Variants in MACROD2 observed in about 807,000 individuals in gnomAD.
MACROD2 encodes the protein ADP-ribose glycohydrolase MACROD2.
Under a neutral mutation model 70.4 loss-of-function variants are expected in MACROD2, and 36 were observed. The observed-to-expected ratio is 0.51, with a 90% CI of 0.39 to 0.68. The LOEUF (loss-of-function observed/expected upper bound fraction) is 0.68. MACROD2 is among the 30% of genes least tolerant of loss of function. MACROD2 has a pLI of 0.00. For synonymous variants in MACROD2, 172 were observed against 178.8 expected (o/e 0.96, Z 0.30); for missense variants, 496 against 538.4 (o/e 0.92, Z 0.78).
At chr20:15,905,296 G>A (rs977209799) in intron 10 of MACROD2, among the ~76,000 whole-genome samples, 2 of 152,172 alleles carry the variant, frequency 1.3e-5, no homozygotes, top group African/African-American at 4.8e-5. Context: ...CTCATGAAAG[G>A]TGATACTAAG....
intron 5 of MACROD2, among the ~76,000 whole-genome samples, chr20:14,948,570 G>A (rs2074451339): frequency 6.6e-6 from 1 of 152,112 alleles, no homozygotes; most frequent in Admixed American, 6.5e-5. Flanking sequence ...CCGTTCTAAT[G>A]CCAACACAGA....
chr20:14,272,828 G>A (rs1287854646), intron 3 of MACROD2, among the ~76,000 whole-genome samples: 1 of 151,976 alleles, frequency 6.6e-6, no homozygotes, highest in African/African-American at 2.4e-5. Flanking sequence ...AAACAAAAAA[G>A]GCAGGGGTTG....
intron 9 of MACROD2, among the ~76,000 whole-genome samples, chr20:15,864,147 C>G (rs1318818602): frequency 6.6e-6 from 1 of 151,818 alleles, no homozygotes; most frequent in Non-Finnish European, 1.5e-5. Context: ...AGAGTGGAAG[C>G]ACATAACAGC....
At chr20:15,568,889 G>A (rs1293407635) in intron 8 of MACROD2, among the ~76,000 whole-genome samples, 1 of 152,130 alleles carries the variant, frequency 6.6e-6, no homozygotes, top group East Asian at 1.9e-4. Flanking sequence ...GTGAATACAG[G>A]TTGGAGCTTG....
At chr20:14,669,179 G>A (rs2070768481) in intron 4 of MACROD2, among the ~76,000 whole-genome samples, 1 of 152,158 alleles carries the variant, frequency 6.6e-6, no homozygotes, top group Non-Finnish European at 1.5e-5. Context: ...TATGTGTGTA[G>A]TTTGGAGAAA....
At chr20:15,476,772 T>C (rs1437544965) in intron 7 of MACROD2, among the ~76,000 whole-genome samples, 1 of 152,226 alleles carries the variant, frequency 6.6e-6, no homozygotes, top group African/African-American at 2.4e-5. Flanking sequence ...ATCCTGCAGA[T>C]AAAATGGAAT....
At chr20:14,491,369 C>T (rs771144338) in intron 3 of MACROD2, among the ~76,000 whole-genome samples, 3 of 152,150 alleles carry the variant, frequency 2.0e-5, no homozygotes, top group Middle Eastern at 3.4e-3. Context: ...GTTATCGGAA[C>T]GTTTTTGAAT....
intron 6 of MACROD2, among the ~76,000 whole-genome samples, chr20:15,344,021 GA>G (rs1289932941): frequency 6.6e-6 from 1 of 152,070 alleles, no homozygotes; most frequent in Non-Finnish European, 1.5e-5. Flanking sequence ...AAAGGAGCAG[GA>G]ATCTAAATAA....
intron 5 of MACROD2, among the ~76,000 whole-genome samples, chr20:15,158,912 A>T (rs2076328063): frequency 6.6e-6 from 1 of 152,130 alleles, no homozygotes; most frequent in South Asian, 2.1e-4. Flanking sequence ...AGGAAATCTG[A>T]AGATGTTGAC....
intron 5 of MACROD2, among the ~76,000 whole-genome samples, chr20:15,127,915 A>G (rs745417862): frequency 6.4e-4 from 98 of 152,086 alleles, no homozygotes; most frequent in Non-Finnish European, 1.6e-4. Context: ...CTCTACTTAC[A>G]TTAATTTATA....
At chr20:14,835,019 T>C (rs573506968) in intron 5 of MACROD2, among the ~76,000 whole-genome samples, 3 of 151,998 alleles carry the variant, frequency 2.0e-5, no homozygotes, top group African/African-American at 7.2e-5. Context: ...AACAGATAGA[T>C]TCATCAAAGC....
intron 8 of MACROD2, among the ~76,000 whole-genome samples, chr20:15,663,072 G>T (rs1158794916): frequency 6.6e-6 from 1 of 152,062 alleles, no homozygotes; most frequent in Admixed American, 6.6e-5. Context: ...GAAGTCAGCT[G>T]GCTGTAAGAC....
intron 5 of MACROD2, among the ~76,000 whole-genome samples, chr20:14,777,781 G>A (rs1207230299): frequency 6.6e-6 from 1 of 152,106 alleles, no homozygotes; most frequent in African/African-American, 2.4e-5. Flanking sequence ...TGTAAGGAAT[G>A]TGTGAGTTTC....
At chr20:14,550,760 T>A (rs2123259991) in intron 4 of MACROD2, among the ~76,000 whole-genome samples, 1 of 152,330 alleles carries the variant, frequency 6.6e-6, no homozygotes, top group South Asian at 2.1e-4. Flanking sequence ...CTCCAGTGCC[T>A]GGAAAAGTAT....
chr20:14,886,477 C>T (rs2073677495), intron 5 of MACROD2, among the ~76,000 whole-genome samples: 1 of 152,150 alleles, frequency 6.6e-6, no homozygotes, highest in Non-Finnish European at 1.5e-5. Flanking sequence ...GAGGAGTGAC[C>T]TGCTCTGGTT....
chr20:14,749,224 T>A (rs1000475817), intron 5 of MACROD2, among the ~76,000 whole-genome samples: 1 of 152,040 alleles, frequency 6.6e-6, no homozygotes, highest in Non-Finnish European at 1.5e-5. Flanking sequence ...AGCTCGTACG[T>A]CATATGCTAT....
At chr20:14,455,266 G>A (rs2084288744) in intron 3 of MACROD2, among the ~76,000 whole-genome samples, 1 of 151,778 alleles carries the variant, frequency 6.6e-6, no homozygotes, top group African/African-American at 2.4e-5. Context: ...TACTCTCATT[G>A]TATTTTTGCA....
intron 3 of MACROD2, among the ~76,000 whole-genome samples, chr20:14,261,830 A>G (rs1204940933): frequency 6.6e-6 from 1 of 152,204 alleles, no homozygotes; most frequent in Admixed American, 6.5e-5. Context: ...GACCCAAGCC[A>G]TGTAATCAAA....
intron 5 of MACROD2, among the ~76,000 whole-genome samples, chr20:15,152,821 C>T (rs1337149367): frequency 2.0e-5 from 3 of 152,024 alleles, no homozygotes; most frequent in Non-Finnish European, 2.9e-5. Flanking sequence ...TTCCCTAGTC[C>T]ATGACTGGCA....
Sources: gnomAD v4.1 joint callset for allele counts (sites outside exome capture counted in the v4.1 genomes callset) on GRCh38, gnomAD v4.1.1 for gene constraint, MANE v1.5 for transcripts, NCBI Gene and HGNC (gene_info 2026-07-23, HGNC 2026-07-21) for gene names.